The following GALNTL5 variants were observed in gnomAD, a reference collection of about 807,000 sequenced individuals.
The protein encoded by GALNTL5 is inactive polypeptide N-acetylgalactosaminyltransferase-like protein 5.
In GALNTL5, 44 loss-of-function variants were observed where a neutral mutation model predicts 51.0. The observed-to-expected ratio is 0.86, with a 90% CI of 0.68 to 1.11. GALNTL5 has a LOEUF of 1.11. Among genes scored for constraint, GALNTL5 ranks in the 50% least tolerant of loss-of-function variants. The probability of loss-of-function intolerance (pLI) is 0.00; values close to 1 mark genes in which losing one functional copy is unlikely to be tolerated. For missense variants in GALNTL5, 528 were observed against 531.8 expected (o/e 0.99, Z 0.07); for synonymous variants, 192 against 182.8 (o/e 1.05, Z -0.41).
chr7:151,985,394 C>G (rs937839018), intron 4 of GALNTL5, among the ~76,000 whole-genome samples: 8 of 152,198 alleles, frequency 5.3e-5, no homozygotes, highest in South Asian at 2.1e-4. Context: ...GCCTTAAACA[C>G]AGGACTAGGG....
chr7:152,013,285 C>A (rs1166598622), intron 7 of GALNTL5, among the ~76,000 whole-genome samples: 1 of 151,876 alleles, frequency 6.6e-6, no homozygotes, highest in Admixed American at 6.6e-5. Flanking sequence ...GCTCAAAACC[C>A]CCAGACATGC....
intron 5 of GALNTL5, among the ~76,000 whole-genome samples, chr7:151,991,650 A>G (rs1448527599): frequency 6.6e-6 from 1 of 152,134 alleles, no homozygotes; most frequent in Non-Finnish European, 1.5e-5. Flanking sequence ...CTTCTGCTCT[A>G]TGATGGTATT....
chr7:151,971,730 A>C (rs2081146040), intron 3 of GALNTL5, among the ~76,000 whole-genome samples: 1 of 152,162 alleles, frequency 6.6e-6, no homozygotes, highest in Non-Finnish European at 1.5e-5. Context: ...AGGTGATTGG[A>C]TCATGGGGGT....
chr7:151,971,116 TA>T, intron 3 of GALNTL5, 51 bp downstream of exon 3: 1 of 1,259,178 alleles, frequency 7.9e-7, no homozygotes, highest in Non-Finnish European at 1.1e-6. Flanking sequence ...GATAGATAGA[TA>T]GATAGATAGA....
intron 3 of GALNTL5, among the ~76,000 whole-genome samples, chr7:151,978,691 C>T (rs1022252725): frequency 8.5e-5 from 13 of 152,278 alleles, no homozygotes; most frequent in African/African-American, 1.9e-4. Context: ...CAGGATTGCT[C>T]GCCTCTGAGA....
chr7:151,972,047 C>T (rs1441150479), intron 3 of GALNTL5, among the ~76,000 whole-genome samples: 1 of 152,016 alleles, frequency 6.6e-6, no homozygotes, highest in African/African-American at 2.4e-5. Context: ...TATAAAGATA[C>T]CTAAAAATGT....
In GALNTL5 at chr7:152,002,739, C is replaced by T. The variant is rs1449141286; in HGVS notation, c.684C>T (p.Ser228=). 24 of 1,614,004 alleles carry T rather than the reference C, an allele frequency of 1.5e-5. No homozygotes were observed. Among genetic ancestry groups the T allele is most frequent in the Non-Finnish European group, 1.9e-5 (23 of 1,180,010 alleles). ...ASGDVLVFLD[S]HCEVNRVWLE... is the part of the protein sequence containing the mutation. ...GGGATGTTCTGGTGTTCCTGGACAG[C>T]CACTGTGAGGTGAACAGAGTATGGC... The change falls in exon 6 of 9, where the codon AGC becomes AGT. Residue 228 remains serine (S), a synonymous_variant. Coordinates refer to ENST00000392800, the MANE Select transcript of GALNTL5 (RefSeq NM_145292.4).
intron 5 of GALNTL5, among the ~76,000 whole-genome samples, chr7:151,991,162 G>C (rs535765508): frequency 6.6e-6 from 1 of 152,088 alleles, no homozygotes; most frequent in South Asian, 2.1e-4. Context: ...GCGTCATCTC[G>C]GCTCACTGCA....
At chr7:152,013,279 A>G (rs962608585) in intron 7 of GALNTL5, among the ~76,000 whole-genome samples, 6 of 152,104 alleles carry the variant, frequency 3.9e-5, no homozygotes, top group African/African-American at 1.4e-4. Flanking sequence ...ACCTGTGCTC[A>G]AAACCCCCAG....
chr7:152,004,094 G>A (rs1441132268), intron 6 of GALNTL5, among the ~76,000 whole-genome samples: 2 of 151,806 alleles, frequency 1.3e-5, no homozygotes, highest in African/African-American at 4.8e-5. Flanking sequence ...TATATAGTGT[G>A]TCAATATTTA....
intron 4 of GALNTL5, chr7:151,984,004 C>T (rs2081329738): frequency 6.6e-6 from 1 of 152,224 alleles, no homozygotes; most frequent in Admixed American, 6.5e-5. Flanking sequence ...CCCTCGAGCT[C>T]AGGAGCTCCA....
chr7:151,965,460 C>A (rs1371583124), intron 1 of GALNTL5, among the ~76,000 whole-genome samples: 2 of 152,148 alleles, frequency 1.3e-5, no homozygotes, highest in African/African-American at 4.8e-5. Context: ...AAATAAATTA[C>A]AATTTCAAAC....
intron 1 of GALNTL5, among the ~76,000 whole-genome samples, chr7:151,961,959 C>T (rs2080996547): frequency 1.3e-5 from 2 of 151,262 alleles, no homozygotes; most frequent in Non-Finnish European, 2.9e-5. Context: ...CTCCCTCTTA[C>T]AATCACTTTT....
chr7:152,019,460 G>A (rs1389452043), intron 8 of GALNTL5, among the ~76,000 whole-genome samples, 186 bp from the exon 9 acceptor site: 1 of 152,220 alleles, frequency 6.6e-6, no homozygotes, highest in Non-Finnish European at 1.5e-5. Context: ...AACATATGCA[G>A]GGTGGGTAAA....
chr7:151,959,631 C>G (rs981874782), intron 1 of GALNTL5, among the ~76,000 whole-genome samples: 2 of 152,156 alleles, frequency 1.3e-5, no homozygotes, highest in African/African-American at 4.8e-5. Flanking sequence ...GACTCAGTCC[C>G]ATATATACAC....
intron 1 of GALNTL5, among the ~76,000 whole-genome samples, chr7:151,964,357 G>T (rs903196501): frequency 9.2e-5 from 14 of 152,154 alleles, no homozygotes; most frequent in African/African-American, 3.4e-4. Context: ...GTTTGGTTGT[G>T]TCCCCACCCA....
chr7:152,002,532 G>A (rs953990771), intron 5 of GALNTL5, among the ~76,000 whole-genome samples, 182 bp from the exon 6 acceptor site: 3 of 152,156 alleles, frequency 2.0e-5, no homozygotes, highest in Non-Finnish European at 4.4e-5. Context: ...TATGGCACAT[G>A]ATGTTGCATA....
chr7:151,973,853 G>C (rs1364780129), intron 3 of GALNTL5, among the ~76,000 whole-genome samples: 1 of 152,180 alleles, frequency 6.6e-6, no homozygotes, highest in Non-Finnish European at 1.5e-5. Context: ...ATCCTCAGGT[G>C]TCGAGGGAGG....
chr7:151,967,239 GAT>G lies in GALNTL5; in HGVS notation c.-7_-6del. 1.2e-6 allele frequency: 2 copies of G among 1,606,198 alleles called. No homozygotes were observed. Among genetic ancestry groups the G allele is most frequent in the Non-Finnish European group, 1.7e-6 (2 of 1,176,440 alleles). ...GAAAAATGGACCTTTGAAAATGCTA[GAT>G]TTACAATGAGAAATGCCATAATTCA... On this transcript the variant is annotated 5_prime_UTR_variant, in exon 2 of 9. Transcript: ENST00000392800.
Sources: allele counts gnomAD v4.1 joint callset (sites outside exome capture counted in the v4.1 genomes callset), GRCh38; gene constraint gnomAD v4.1.1; transcripts MANE v1.5; gene names NCBI Gene and HGNC (gene_info 2026-07-23, HGNC 2026-07-21).